PDE1C: variants seen among roughly 807,000 people sequenced by gnomAD.
PDE1C encodes the protein dual specificity calcium/calmodulin-dependent 3',5'-cyclic nucleotide phosphodiesterase 1C.
PDE1C carries 62 observed loss-of-function variants against 93.1 expected under a neutral mutation model. That is an observed-to-expected ratio of 0.67 (90% CI 0.54 to 0.82). The LOEUF is 0.82. PDE1C is among the 40% of genes least tolerant of loss of function. The pLI is 0.00. For synonymous variants in PDE1C, 325 were observed against 310.1 expected, an observed-to-expected ratio of 1.05 and a Z score of -0.50; for missense variants, 742 against 884.6, an observed-to-expected ratio of 0.84 and a Z score of 2.04.
the PDE1C span, among the ~76,000 whole-genome samples, chr7:31,661,511 G>A: frequency 1.8e-4 from 27 of 152,064 alleles, no homozygotes; most frequent in African/African-American, 5.1e-4. Flanking sequence ...TCAGGAGTTC[G>A]AGACCAGCCT....
At chr7:32,277,804 G>T (rs1472581232) in intron 1 of PDE1C, among the ~76,000 whole-genome samples, 1 of 152,162 alleles carries the variant, frequency 6.6e-6, no homozygotes, top group Non-Finnish European at 1.5e-5. Context: ...TAACACTAAT[G>T]TGGGTAAGAA....
chr7:31,839,768 G>A (rs555095681), intron 9 of PDE1C, among the ~76,000 whole-genome samples: 1 of 152,336 alleles, frequency 6.6e-6, no homozygotes, highest in South Asian at 2.1e-4. Context: ...CGGGCATAGT[G>A]GCTCATGCCT....
At chr7:31,772,574 A>AT (rs143907823) in intron 17 of PDE1C, among the ~76,000 whole-genome samples, 2,709 of 149,080 alleles carry the variant, frequency 0.018, 85 homozygotes, top group African/African-American at 0.062. Context: ...TAAAAGATAT[A>AT]TTTTTTTATT....
the PDE1C span, among the ~76,000 whole-genome samples, chr7:31,694,198 T>C: frequency 2.0e-5 from 3 of 151,900 alleles, no homozygotes; most frequent in African/African-American, 7.3e-5. Flanking sequence ...ATTAAGAAAA[T>C]GAGAAAGAAC....
intron 2 of PDE1C, among the ~76,000 whole-genome samples, chr7:31,993,425 G>A (rs1784372706): frequency 6.6e-6 from 1 of 152,292 alleles, no homozygotes; most frequent in East Asian, 1.9e-4. Context: ...CAGTTACAGG[G>A]AATTGTAAGT....
chr7:31,753,435 C>T lies in PDE1C; in HGVS notation c.2079G>A (p.Arg693=). 6.2e-7 allele frequency: 1 copy of T among 1,612,260 alleles called. No individual in the cohort carries two copies. Among genetic ancestry groups the T allele is most frequent in the Admixed American group, 1.7e-5 (1 of 59,948 alleles). ...TGTTCTGAATCTTTTTCATTTTGAT[C>T]CTCTGATCCAGCATCTTGTACCTTG... ...HPARYKMLDQ[R]IKMKKIQNIS... The change falls in exon 18 of 18, where the codon AGG becomes AGA. Residue 693 remains arginine (R), a synonymous_variant. Transcript: ENST00000396191.
rs76330954 is a variant in PDE1C at position 32,135,454 on chromosome 7, T to C, written c.308+34331A>G. On this transcript the variant is annotated intron_variant, in intron 3 of 18. Coordinates refer to the PDE1C transcript ENST00000396193. Reference sequence around the variant, plus strand: ...ATGAAACAAACAAAAAATGTTCAAATGGCAAAGGACCTGAATAGGCATTTT... The same window carrying C: ...ATGAAACAAACAAAAAATGTTCAAACGGCAAAGGACCTGAATAGGCATTTT... 4.3e-4 allele frequency among the ~76,000 whole-genome samples: 66 copies of C among 152,202 alleles called. No homozygotes were observed. In the East Asian group the frequency reaches 0.011, roughly 26 times the overall value.
chr7:31,639,085 G>T, the PDE1C span, among the ~76,000 whole-genome samples: 9 of 152,066 alleles, frequency 5.9e-5, no homozygotes, highest in Non-Finnish European at 1.2e-4. Context: ...CCAGTAATTT[G>T]ATTTTCATGT....
rs559957855 is a variant in PDE1C at position 31,874,924 on chromosome 7, A to C, written c.493-1516T>G. 9.2e-5 allele frequency among the ~76,000 whole-genome samples: 14 copies of C among 152,338 alleles called. No individual in the cohort carries two copies. In the South Asian group the frequency reaches 1.2e-3, roughly 14 times the overall value. ...GATTAATTGAAATGTCTAGTGCCAT[A>C]AGGTAGCAGAGCCAGGTAATAACCT... On this transcript the variant is annotated intron_variant, in intron 5 of 17. Transcript: ENST00000396191.
chr7:32,107,680 T>C (rs1798399390), intron 3 of PDE1C, among the ~76,000 whole-genome samples: 1 of 152,054 alleles, frequency 6.6e-6, no homozygotes, highest in African/African-American at 2.4e-5. Context: ...AGAAAGAAAA[T>C]TATGCAAGTC....
intron 1 of PDE1C, among the ~76,000 whole-genome samples, chr7:32,339,407 G>A (rs1783701637): frequency 6.6e-6 from 1 of 152,184 alleles, no homozygotes; most frequent in Admixed American, 6.5e-5. Context: ...GGTTTTCCAA[G>A]ATGAAGAGAG....
At chr7:32,175,676 C>G (rs991335502) in intron 2 of PDE1C, among the ~76,000 whole-genome samples, 1 of 152,204 alleles carries the variant, frequency 6.6e-6, no homozygotes, top group Non-Finnish European at 1.5e-5. Flanking sequence ...TTCGTTTTCC[C>G]TAGCCCTCTC....
At chr7:31,865,399 A>G (rs1007331804) in intron 6 of PDE1C, among the ~76,000 whole-genome samples, 60 of 152,188 alleles carry the variant, frequency 3.9e-4, no homozygotes, top group African/African-American at 1.4e-3. Flanking sequence ...ATACACACAT[A>G]GAAAACTGAG....
chr7:32,412,218 G>T (rs1178117660), intron 1 of PDE1C, among the ~76,000 whole-genome samples: 3 of 152,142 alleles, frequency 2.0e-5, no homozygotes, highest in Non-Finnish European at 4.4e-5. Flanking sequence ...ACTTTGGGAG[G>T]CTGAGGCAGG....
chr7:32,045,984 A>G (rs888596195), intron 2 of PDE1C, among the ~76,000 whole-genome samples: 17 of 152,196 alleles, frequency 1.1e-4, no homozygotes, highest in African/African-American at 3.9e-4. Context: ...GATTTAATCA[A>G]TTACTGGGTT....
intron 16 of PDE1C, among the ~76,000 whole-genome samples, chr7:31,806,891 T>C (rs1325555093): frequency 6.6e-6 from 1 of 151,896 alleles, no homozygotes; most frequent in East Asian, 1.9e-4. Context: ...TGTATCCAGT[T>C]TTTTCTACAT....
At chr7:31,666,430 A>G in the PDE1C span, among the ~76,000 whole-genome samples, 1 of 152,178 alleles carries the variant, frequency 6.6e-6, no homozygotes, top group Non-Finnish European at 1.5e-5. Context: ...CATTTGTACA[A>G]TTATTATGTA....
At chr7:32,219,444 C>T (rs2392053) in intron 1 of PDE1C, among the ~76,000 whole-genome samples, 133,223 of 152,270 alleles carry the variant, frequency 0.87, 58,412 homozygotes, top group East Asian at 0.92. Flanking sequence ...CTGCCTTCTT[C>T]CCTACTTCCA....
chr7:32,414,830 T>A (rs1319312143), intron 1 of PDE1C, among the ~76,000 whole-genome samples: 16 of 138,824 alleles, frequency 1.2e-4, no homozygotes, highest in African/African-American at 1.2e-4. Flanking sequence ...ATGCCAATGA[T>A]AAAAAAAAAA....
Sources: gnomAD v4.1 joint callset for allele counts (sites outside exome capture counted in the v4.1 genomes callset) on GRCh38, gnomAD v4.1.1 for gene constraint, MANE v1.5 for transcripts, NCBI Gene and HGNC (gene_info 2026-07-23, HGNC 2026-07-21) for gene names.